PDE11A: variants seen among roughly 807,000 people sequenced by gnomAD.
PDE11A encodes the protein phosphodiesterase 11A, also known as dual 3',5'-cyclic-AMP and -GMP phosphodiesterase 11A.
PDE11A carries 100 observed loss-of-function variants against 100.5 expected under a neutral mutation model. The observed-to-expected ratio is 1.00, with a 90% CI of 0.85 to 1.18. The LOEUF (loss-of-function observed/expected upper bound fraction) is 1.18, where lower values mean the gene tolerates loss of function less well. PDE11A is among the 50% of genes most tolerant of loss of function. The pLI is 0.00. For missense variants in PDE11A, 1,141 were observed against 1,152.6 expected, an observed-to-expected ratio of 0.99 and a Z score of 0.15; for synonymous variants, 381 against 420.8, an observed-to-expected ratio of 0.91 and a Z score of 1.16.
At chr2:178,004,676 G>A (rs1226238854) in intron 2 of PDE11A, among the ~76,000 whole-genome samples, 3 of 152,168 alleles carry the variant, frequency 2.0e-5, no homozygotes, top group Non-Finnish European at 2.9e-5. Flanking sequence ...TTTTAGAAGT[G>A]GCTTAACTAA....
At chr2:177,651,720 C>G (rs1459689591) in intron 19 of PDE11A, among the ~76,000 whole-genome samples, 1 of 151,978 alleles carries the variant, frequency 6.6e-6, no homozygotes, top group East Asian at 1.9e-4. Context: ...TTCAGATCAC[C>G]TGTAACACTA....
At chr2:177,684,327 C>T (rs146150488) in intron 15 of PDE11A, among the ~76,000 whole-genome samples, 2 of 152,156 alleles carry the variant, frequency 1.3e-5, no homozygotes, top group East Asian at 3.9e-4. Flanking sequence ...GTGAGAGAGG[C>T]ACTCACCTGG....
chr2:178,028,300 C>CAAAAAAAAA (rs5836640), intron 1 of PDE11A, among the ~76,000 whole-genome samples: 5 of 131,378 alleles, frequency 3.8e-5, no homozygotes, highest in Non-Finnish European at 1.6e-5. Flanking sequence ...CATGTTCCAT[C>CAAAAAAAAA]AAAAAAAAAA....
intron 5 of PDE11A, among the ~76,000 whole-genome samples, chr2:177,859,491 G>C (rs986169252): frequency 6.6e-6 from 1 of 151,750 alleles, no homozygotes; most frequent in Non-Finnish European, 1.5e-5. Context: ...TGAGAGAACT[G>C]AAAGGACAAA....
chr2:177,970,129 CAT>C (rs1292904555), intron 2 of PDE11A, among the ~76,000 whole-genome samples: 1 of 152,090 alleles, frequency 6.6e-6, no homozygotes, highest in Non-Finnish European at 1.5e-5. Flanking sequence ...AAGTGTGAAA[CAT>C]ATGGGTGATT....
intron 1 of PDE11A, among the ~76,000 whole-genome samples, chr2:178,039,970 A>T (rs1038687909): frequency 2.0e-5 from 3 of 151,954 alleles, no homozygotes; most frequent in African/African-American, 7.2e-5. Context: ...GGGATATTTC[A>T]CACAACACTC....
intron 4 of PDE11A, among the ~76,000 whole-genome samples, chr2:177,896,591 T>C (rs2084615651): frequency 6.6e-6 from 1 of 152,152 alleles, no homozygotes; most frequent in Non-Finnish European, 1.5e-5. Flanking sequence ...GGCTTCTCTG[T>C]GGCCCTGAAA....
At chr2:178,073,042 C>T (rs957858253), upstream of PDE11A, 1 of 985,288 alleles carries the variant, frequency 1.0e-6, no homozygotes, top group Non-Finnish European at 1.2e-6. Context: ...CTCCCCAACC[C>T]TCCCTACTCA....
intron 6 of PDE11A, among the ~76,000 whole-genome samples, chr2:177,827,065 C>A (rs905126352): frequency 6.6e-6 from 1 of 152,174 alleles, no homozygotes; most frequent in Non-Finnish European, 1.5e-5. Flanking sequence ...TGTGGGGGTG[C>A]GGGAGTGCTC....
At chr2:177,996,994 C>G (rs2086083785) in intron 2 of PDE11A, among the ~76,000 whole-genome samples, 1 of 152,164 alleles carries the variant, frequency 6.6e-6, no homozygotes, top group Non-Finnish European at 1.5e-5. Flanking sequence ...ACGAAGCATC[C>G]AAACATATCA....
chr2:177,708,012 T>C (rs1157009678), intron 13 of PDE11A, among the ~76,000 whole-genome samples: 1 of 152,156 alleles, frequency 6.6e-6, no homozygotes, highest in Non-Finnish European at 1.5e-5. Context: ...ACAGTGATGA[T>C]GATACCATTG....
chr2:178,066,218 T>C (rs1031656818), intron 1 of PDE11A, among the ~76,000 whole-genome samples: 1 of 152,032 alleles, frequency 6.6e-6, no homozygotes, highest in African/African-American at 2.4e-5. Flanking sequence ...ATTAGGATGG[T>C]GCTGAGGCCA....
At chr2:177,791,143 T>C (rs1197505122) in intron 9 of PDE11A, among the ~76,000 whole-genome samples, 2 of 151,890 alleles carry the variant, frequency 1.3e-5, no homozygotes, top group African/African-American at 4.8e-5. Context: ...AACCCAAATG[T>C]CCAACAATGA....
chr2:177,958,920 A>G (rs919586273), intron 2 of PDE11A, among the ~76,000 whole-genome samples: 7 of 152,224 alleles, frequency 4.6e-5, no homozygotes, highest in African/African-American at 1.4e-4. Context: ...CCCCTTTTAC[A>G]TTCCAGGTAC....
At position 178,034,633 on chromosome 2, in the gene PDE11A, C is replaced by G. The variant is rs1195424474; in HGVS notation, c.913-20173G>C. 3.9e-5 allele frequency among the ~76,000 whole-genome samples: 6 copies of G among 152,350 alleles called. No individual in the cohort carries two copies. In the East Asian group the frequency reaches 9.6e-4, roughly 24 times the overall value. On this transcript the variant is annotated intron_variant, in intron 1 of 19. Coordinates refer to ENST00000286063, the MANE Select transcript of PDE11A (RefSeq NM_016953.4). ...TGATCACATAGTTGGAAGTAAAGCA[C>G]TCTTCAGCAAATGTAAAAGAACAGA...
At chr2:177,667,417 A>C (rs2105484397) in intron 18 of PDE11A, among the ~76,000 whole-genome samples, 1 of 152,204 alleles carries the variant, frequency 6.6e-6, no homozygotes, top group East Asian at 1.9e-4. Context: ...TTTTGAGTTT[A>C]TTTCAGGGTA....
chr2:177,629,339 T>G lies in PDE11A; in HGVS notation c.*68A>C. 1.6e-5 allele frequency: 22 copies of G among 1,337,170 alleles called. No individual in the cohort carries two copies. Among genetic ancestry groups the G allele is most frequent in the Non-Finnish European group, 2.4e-5 (22 of 928,180 alleles). 82.8% of individuals were successfully genotyped at this position (1,337,170 alleles called of 1,614,324 possible). A position where few individuals can be genotyped will look rare whatever the true frequency, so the allele number is the denominator to read the frequency against. On this transcript the variant is annotated 3_prime_UTR_variant, in exon 20 of 20. Transcript: ENST00000286063. Reference sequence around the variant, plus strand: ...TTTCTGAGCTAAAAGAACAAAAGGATGACATTGCTGGACTGAAAATGGCCC... The same window carrying G: ...TTTCTGAGCTAAAAGAACAAAAGGAGGACATTGCTGGACTGAAAATGGCCC...
intron 9 of PDE11A, among the ~76,000 whole-genome samples, chr2:177,803,443 C>T (rs1242320047): frequency 6.6e-6 from 1 of 151,926 alleles, no homozygotes; most frequent in Non-Finnish European, 1.5e-5. Flanking sequence ...TTCTTCCTAA[C>T]ACTTTCTACA....
chr2:177,875,544 A>T (rs1553485077), intron 5 of PDE11A, among the ~76,000 whole-genome samples: 1 of 149,632 alleles, frequency 6.7e-6, no homozygotes, highest in Non-Finnish European at 1.5e-5. Context: ...TGCCCGGCTA[A>T]TTTTTTTTTG....
Sources: gnomAD v4.1 joint callset for allele counts (sites outside exome capture counted in the v4.1 genomes callset) on GRCh38, gnomAD v4.1.1 for gene constraint, MANE v1.5 for transcripts, NCBI Gene and HGNC (gene_info 2026-07-23, HGNC 2026-07-21) for gene names.